The following GAS7 variants were observed in gnomAD, a reference collection of about 807,000 sequenced individuals.
GAS7 encodes the protein growth arrest specific 7, also known as growth arrest-specific protein 7.
In GAS7, 28 loss-of-function variants were observed where a neutral mutation model predicts 71.1. The observed-to-expected ratio is 0.39, with a 90% confidence interval of 0.29 to 0.54. The LOEUF (loss-of-function observed/expected upper bound fraction) is 0.54, where lower values mean the gene tolerates loss of function less well. Ranked by LOEUF, GAS7 falls within the 20% of genes least tolerant of loss-of-function variation. The pLI, the probability that GAS7 is intolerant of heterozygous loss-of-function variation, is 0.62. For synonymous variants in GAS7, 258 were observed against 245.8 expected (o/e 1.05, Z -0.46); for missense variants, 436 against 627.8 (o/e 0.69, Z 3.27).
In GAS7 at chr17:10,034,010, A is replaced by G. The variant is rs936100471; in HGVS notation, c.184-14113T>C. On this transcript the variant is annotated intron_variant, in intron 1 of 13. Coordinates refer to ENST00000432992, the MANE Select transcript of GAS7 (RefSeq NM_201433.2). This position sits in a 1 kb window ranked among gnomAD's most constrained non-coding sequence, Gnocchi z 4.4. ...CTCAGTAAGGGGTGCAATTCTCACC[A>G]ACCCGATTCAACTAACATTTCTGGA... The G allele has an allele frequency of 8.2e-6, 4 of 490,670 alleles. No individual in the cohort carries two copies. The highest frequency in any genetic ancestry group is 1.1e-5 in the Non-Finnish European group (4 of 377,768). The allele number at this position is 490,670 out of a possible 1,614,324, so 30.4% of individuals were successfully genotyped here. A position where few individuals can be genotyped will look rare whatever the true frequency, so the allele number is the denominator to read the frequency against.
chr17:9,948,862 C>G (rs1158534306), intron 5 of GAS7, among the ~76,000 whole-genome samples: 1 of 152,154 alleles, frequency 6.6e-6, no homozygotes, highest in African/African-American at 2.4e-5. Context: ...TCCTAGGACG[C>G]GGGCTAATTT....
In GAS7 at chr17:10,165,555, G is replaced by A. The variant is rs144400504; in HGVS notation, c.183+32653C>T. ...ATTGCTCATTAGGCAGGCAAGCTTC[G>A]TCCAATGGTTGAAAAACATTGGCTT... is the stretch of plus-strand genomic sequence containing the variant. On this transcript the variant is annotated intron_variant, in intron 1 of 13. Coordinates refer to ENST00000432992, the MANE Select transcript of GAS7 (RefSeq NM_201433.2). 4.3e-4 allele frequency among the ~76,000 whole-genome samples: 65 copies of A among 152,234 alleles called. 1 individual carries two copies. In the East Asian group the frequency reaches 0.012, roughly 28 times the overall value.
intron 1 of GAS7, among the ~76,000 whole-genome samples, chr17:10,112,619 C>A (rs1273182290): frequency 6.6e-6 from 1 of 152,018 alleles, no homozygotes; most frequent in Non-Finnish European, 1.5e-5. Flanking sequence ...CCTGTAATCC[C>A]AGCTACTCAG....
intron 1 of GAS7, among the ~76,000 whole-genome samples, chr17:10,068,457 T>C (rs193178454): frequency 3.6e-4 from 55 of 152,186 alleles, no homozygotes; most frequent in African/African-American, 1.3e-3. Flanking sequence ...TATGTTTTAC[T>C]TCTGGTAAAG....
chr17:9,984,677 T>C (rs1385873870), intron 2 of GAS7, among the ~76,000 whole-genome samples: 1 of 152,190 alleles, frequency 6.6e-6, no homozygotes, highest in African/African-American at 2.4e-5. Flanking sequence ...ATATTCTGTT[T>C]TTCTCAACTA....
At chr17:10,005,070 C>A (rs1022969493) in intron 2 of GAS7, among the ~76,000 whole-genome samples, 2 of 135,768 alleles carry the variant, frequency 1.5e-5, no homozygotes, top group Admixed American at 7.3e-5. Flanking sequence ...TGTGTGTATG[C>A]ACGCATACAT....
intron 11 of GAS7, among the ~76,000 whole-genome samples, chr17:9,925,113 C>T (rs2067949432): frequency 6.6e-6 from 1 of 152,144 alleles, no homozygotes; most frequent in Non-Finnish European, 1.5e-5. Context: ...TGAACAGGGA[C>T]AGGGCCCTGA....
chr17:10,067,896 C>T (rs1027119098), intron 1 of GAS7, among the ~76,000 whole-genome samples: 3 of 152,172 alleles, frequency 2.0e-5, no homozygotes, highest in Non-Finnish European at 2.9e-5. Context: ...AAGTTGATAT[C>T]AACATTCCTT....
At chr17:10,039,612 G>A (rs1490773696) in intron 1 of GAS7, 3 of 357,332 alleles carry the variant, frequency 8.4e-6, no homozygotes, top group South Asian at 4.1e-5. Flanking sequence ...GAACCCGGGA[G>A]GCAGAGGTTG....
Position 9,935,000 on chromosome 17 carries a change from G to A in GAS7, c.807-756C>T, listed in dbSNP as rs148527046. Among the ~76,000 whole-genome samples the A allele has an allele frequency of 2.3e-3, 344 of 152,228 alleles. 2 individuals are homozygous for A. The highest frequency in any genetic ancestry group is 7.8e-3 in the African/African-American group (323 of 41,530). ...AGCAGCTGCAGGGAGGGGTTACCTC[G>A]GCCTCCCAAAGTACTGGGATTACAG... On this transcript the variant is annotated intron_variant, in intron 8 of 13. Coordinates refer to ENST00000432992, the MANE Select transcript of GAS7 (RefSeq NM_201433.2).
At position 9,917,190 on chromosome 17, in the gene GAS7, C is replaced by T. The variant is rs200505487; in HGVS notation, c.*38G>A. On this transcript the variant is annotated 3_prime_UTR_variant, in exon 14 of 14. Coordinates refer to ENST00000432992, the MANE Select transcript of GAS7 (RefSeq NM_201433.2). ...GGCCCCATGGTGGGAGCCCAGCCCC[C>T]CTCCCCAGCAGGACCCCCCGAAGCT... 1.5e-4 allele frequency: 184 copies of T among 1,231,154 alleles called. No homozygotes were observed. In the African/African-American group the frequency reaches 2.6e-3, roughly 17 times the overall value. The allele number at this position is 1,231,154 out of a possible 1,614,324, so 76.3% of individuals were successfully genotyped here. A position where few individuals can be genotyped will look rare whatever the true frequency, so the allele number is the denominator to read the frequency against.
At chr17:10,031,686 C>T (rs2072622023) in intron 1 of GAS7, among the ~76,000 whole-genome samples, 1 of 152,128 alleles carries the variant, frequency 6.6e-6, no homozygotes, top group Non-Finnish European at 1.5e-5. Context: ...GACAGAAGGG[C>T]CAGTTAATAG....
At position 9,911,431 on chromosome 17, in the gene GAS7, C is replaced by T. The variant is rs1196327287; in HGVS notation, c.*5797G>A. On this transcript the variant is annotated 3_prime_UTR_variant, in exon 14 of 14. Coordinates refer to ENST00000432992, the MANE Select transcript of GAS7 (RefSeq NM_201433.2). This position sits in a 1 kb window ranked among gnomAD's most constrained non-coding sequence, Gnocchi z 4.0. ...CAATCCCACTAAAGTTTCCCTCAAA[C>T]ACCAAGGAACAGTCCTGAACACCAC... 1 of 233,350 alleles carries T rather than the reference C, an allele frequency of 4.3e-6. No homozygotes were observed. Among genetic ancestry groups the T allele is most frequent in the African/African-American group, 2.2e-5 (1 of 45,318 alleles). 14.5% of individuals were successfully genotyped at this position (233,350 alleles called of 1,614,324 possible).
At chr17:10,162,930 G>C (rs1311392975) in intron 1 of GAS7, among the ~76,000 whole-genome samples, 1 of 152,036 alleles carries the variant, frequency 6.6e-6, no homozygotes, top group Non-Finnish European at 1.5e-5. Context: ...CATGGTGAAG[G>C]CTGTACAACA....
chr17:10,125,426 A>G lies in GAS7; in HGVS notation c.183+72782T>C, dbSNP rs545880702. Among the ~76,000 whole-genome samples, 6 of 150,594 alleles carry G rather than the reference A, an allele frequency of 4.0e-5. No homozygotes were observed. The South Asian group carries it at 1.3e-3, about 32-fold the overall frequency. ...CAGCTACTCGGGAGGCTGAGGCAGGAGAATCGCTTGAACATGGGAGGCAGA... is the reference window on the plus strand; with the variant it reads ...CAGCTACTCGGGAGGCTGAGGCAGGGGAATCGCTTGAACATGGGAGGCAGA... On this transcript the variant is annotated intron_variant, in intron 1 of 13. Transcript: ENST00000432992.
At chr17:10,177,226 A>G (rs2074379678) in intron 1 of GAS7, among the ~76,000 whole-genome samples, 1 of 152,176 alleles carries the variant, frequency 6.6e-6, no homozygotes, top group African/African-American at 2.4e-5. Context: ...ATAAAAGATC[A>G]TCATTCCCTC....
chr17:10,083,008 T>C (rs1269305498), intron 1 of GAS7, among the ~76,000 whole-genome samples: 1 of 152,200 alleles, frequency 6.6e-6, no homozygotes, highest in African/African-American at 2.4e-5. Context: ...AGAAACTGAC[T>C]GCAAAGGGGC....
intron 1 of GAS7, among the ~76,000 whole-genome samples, chr17:10,152,288 G>A (rs2074172387): frequency 6.6e-6 from 1 of 152,192 alleles, no homozygotes; most frequent in South Asian, 2.1e-4. Flanking sequence ...CAAAACAGAA[G>A]CTGTACCAAT....
intron 1 of GAS7, among the ~76,000 whole-genome samples, chr17:10,082,218 T>C (rs1050067105): frequency 6.6e-6 from 1 of 152,200 alleles, no homozygotes; most frequent in Non-Finnish European, 1.5e-5. Context: ...ATAAAGATTT[T>C]AAACATGCTC....
Sources: gnomAD v4.1 joint callset for allele counts (sites outside exome capture counted in the v4.1 genomes callset) on GRCh38, gnomAD v4.1.1 for gene constraint, Gnocchi (gnomAD v3.1) non-coding constraint, MANE v1.5 for transcripts, NCBI Gene and HGNC (gene_info 2026-07-23, HGNC 2026-07-21) for gene names.